GC: variants seen among roughly 807,000 people sequenced by gnomAD.
GC encodes GC vitamin D binding protein.
GC carries 43 observed loss-of-function variants against 56.7 expected under a neutral mutation model. That is an observed-to-expected ratio of 0.76 (90% CI 0.59 to 0.98). The LOEUF (loss-of-function observed/expected upper bound fraction) is 0.98, where lower values mean the gene tolerates loss of function less well. Among genes scored for constraint, GC ranks in the 50% least tolerant of loss-of-function variants. The pLI is 0.00. For missense variants in GC, 529 were observed against 545.9 expected, an observed-to-expected ratio of 0.97 and a Z score of 0.31; for synonymous variants, 216 against 202.7, an observed-to-expected ratio of 1.07 and a Z score of -0.56.
intron 1 of GC, chr4:71,769,715 A>ATCTT (rs1489762678): frequency 5.1e-6 from 1 of 195,554 alleles, no homozygotes; most frequent in Non-Finnish European, 1.1e-5. Context: ...ATTAGGTCCT[A>ATCTT]TCTTTATAAT....
chr4:71,747,509 A>C lies in GC; in HGVS notation c.1396-1304T>G, dbSNP rs548369650. On this transcript the variant is annotated intron_variant, in intron 11 of 12. Coordinates refer to ENST00000273951, the MANE Select transcript of GC (RefSeq NM_000583.4). ...AGGTGCTAAGTAAATTGTTTCAAGA[A>C]GGAAGGTATACTTATGGGTATCAAC... Among the ~76,000 whole-genome samples the C allele has an allele frequency of 3.9e-5, 6 of 152,294 alleles. No homozygotes were observed. The South Asian group carries it at 1.2e-3, about 32-fold the overall frequency.
In GC at chr4:71,775,141, G is replaced by A. The variant is rs896857460; in HGVS notation, c.59-5741C>T. Among the ~76,000 whole-genome samples, 30 of 151,452 alleles carry A rather than the reference G, an allele frequency of 2.0e-4. 1 individual carries two copies. Among genetic ancestry groups the A allele is most frequent in the Admixed American group, 1.9e-3 (29 of 15,134 alleles). ...AGGCGCTTTGGTCTTAGTAGTGACAGAGACTTGAAGTAATACTCACTAGAC... is the reference window on the plus strand; with the variant it reads ...AGGCGCTTTGGTCTTAGTAGTGACAAAGACTTGAAGTAATACTCACTAGAC... On this transcript the variant is annotated intron_variant, in intron 1 of 12. Coordinates refer to ENST00000273951, the MANE Select transcript of GC (RefSeq NM_000583.4).
At chr4:71,803,897 T>C (rs1322542648) in intron 1 of GC, 16 of 1,371,886 alleles carry the variant, frequency 1.2e-5, no homozygotes, top group Middle Eastern at 1.8e-4. Context: ...AATGGTAACT[T>C]GAAATTATTT....
At chr4:71,794,773 C>T (rs1743056129) in intron 1 of GC, among the ~76,000 whole-genome samples, 1 of 151,996 alleles carries the variant, frequency 6.6e-6, no homozygotes, top group Non-Finnish European at 1.5e-5. Context: ...TTTATCTTTC[C>T]TGCTTTCTCT....
intron 1 of GC, among the ~76,000 whole-genome samples, chr4:71,800,398 G>A (rs1182949237): frequency 3.9e-5 from 6 of 152,118 alleles, no homozygotes; most frequent in Admixed American, 3.9e-4. Context: ...ATGTCCCTGC[G>A]AAGGATATGA....
chr4:71,758,711 AT>A (rs1301841119), intron 6 of GC, among the ~76,000 whole-genome samples: 2 of 152,144 alleles, frequency 1.3e-5, no homozygotes, highest in Admixed American at 6.6e-5. Context: ...AACATTAAAT[AT>A]TTTTTCAATA....
At chr4:71,743,122 A>T (rs1741242304) in intron 12 of GC, among the ~76,000 whole-genome samples, 1 of 152,226 alleles carries the variant, frequency 6.6e-6, no homozygotes, top group South Asian at 2.1e-4. Flanking sequence ...TGAAGTTTTT[A>T]ATAAGACTCT....
At chr4:71,777,125 G>GT (rs1424825491) in intron 1 of GC, among the ~76,000 whole-genome samples, 2 of 151,692 alleles carry the variant, frequency 1.3e-5, no homozygotes, top group Non-Finnish European at 2.9e-5. Flanking sequence ...GGCCAAAAGA[G>GT]TTTTATGGTG....
chr4:71,788,412 T>C (rs1263451014), upstream of GC, among the ~76,000 whole-genome samples: 1 of 151,894 alleles, frequency 6.6e-6, no homozygotes, highest in African/African-American at 2.4e-5. Flanking sequence ...AATGGTTTCA[T>C]TTATTTTAAA....
intron 10 of GC, among the ~76,000 whole-genome samples, chr4:71,753,756 C>T (rs1487617624): frequency 1.3e-5 from 2 of 152,158 alleles, no homozygotes; most frequent in East Asian, 3.8e-4. Flanking sequence ...CTGGTGATAG[C>T]TGACAGTATG....
At chr4:71,751,433 A>AGATG (rs1206893415) in intron 11 of GC, among the ~76,000 whole-genome samples, 2 of 152,374 alleles carry the variant, frequency 1.3e-5, no homozygotes, top group Non-Finnish European at 2.9e-5. Flanking sequence ...AATAGGCCTC[A>AGATG]GATGTGGTGA....
At chr4:71,791,681 T>A (rs77551778) in intron 1 of GC, among the ~76,000 whole-genome samples, 5 of 152,160 alleles carry the variant, frequency 3.3e-5, no homozygotes, top group South Asian at 2.1e-4. Flanking sequence ...TTTTTTTTTT[T>A]AATACCTTCA....
At chr4:71,767,828 A>G (rs1429478579) in intron 3 of GC, among the ~76,000 whole-genome samples, 2 of 151,872 alleles carry the variant, frequency 1.3e-5, no homozygotes, top group Admixed American at 1.3e-4. Flanking sequence ...CCTTCTCTCC[A>G]AGTTCCCAAA....
chr4:71,774,157 C>G (rs930679325), intron 1 of GC, among the ~76,000 whole-genome samples: 2 of 152,040 alleles, frequency 1.3e-5, no homozygotes, highest in Non-Finnish European at 2.9e-5. Context: ...ACCCACATGA[C>G]ATCTATAGAT....
At chr4:71,789,335 A>G (rs998135180) in intron 1 of GC, among the ~76,000 whole-genome samples, 1 of 151,830 alleles carries the variant, frequency 6.6e-6, no homozygotes, top group Non-Finnish European at 1.5e-5. Context: ...AATAGAACAA[A>G]TGTTAATTTT....
At position 71,756,136 on chromosome 4, in the gene GC, T is replaced by C. The variant is rs1477649672; in HGVS notation, c.1034+576A>G. 2.0e-5 allele frequency among the ~76,000 whole-genome samples: 3 copies of C among 152,240 alleles called. No homozygotes were observed. The East Asian group carries it at 5.8e-4, about 29-fold the overall frequency. ...AAAAATATTCTGTGCTTGGTATCTC[T>C]TTTATTTGTATCAAATGCTTATTGT... On this transcript the variant is annotated intron_variant, in intron 8 of 12. Transcript: ENST00000273951.
At position 71,752,606 on chromosome 4, in the gene GC, G is replaced by C; in HGVS notation, c.1307C>G (p.Thr436Arg). 1.2e-6 allele frequency: 2 copies of C among 1,613,254 alleles called. No individual in the cohort carries two copies. Among genetic ancestry groups the C allele is most frequent in the Non-Finnish European group, 1.7e-6 (2 of 1,179,386 alleles). Residue 436 changes from threonine (T) to arginine (R), a missense_variant, in exon 11 of 13, where the codon ACG becomes AGG. By Grantham distance (71) the Thr-to-Arg change is moderately conservative (BLOSUM62 -1). Transcript: ENST00000273951. ...LKAKLPDATP[T>R]ELAKLVNKHS... Reference sequence around the variant, plus strand: ...CTTGTTAACCAGCTTTGCCAGTTCCGTGGGTGTGGCATCAGGCAATTTTGC... The same window carrying C: ...CTTGTTAACCAGCTTTGCCAGTTCCCTGGGTGTGGCATCAGGCAATTTTGC...
intron 1 of GC, among the ~76,000 whole-genome samples, chr4:71,774,854 A>G (rs1338703715): frequency 1.3e-5 from 2 of 151,550 alleles, no homozygotes; most frequent in Admixed American, 6.6e-5. Context: ...TCTAAATAAC[A>G]TATAACTTTT....
intron 1 of GC, among the ~76,000 whole-genome samples, chr4:71,789,418 C>G (rs983513265): frequency 1.3e-5 from 2 of 151,838 alleles, no homozygotes; most frequent in African/African-American, 4.8e-5. Flanking sequence ...GAACAGGACT[C>G]TAAAGAGGAA....
Sources: allele counts gnomAD v4.1 joint callset (sites outside exome capture counted in the v4.1 genomes callset), GRCh38; gene constraint gnomAD v4.1.1; transcripts MANE v1.5; gene names NCBI Gene and HGNC (gene_info 2026-07-23, HGNC 2026-07-21).